CACNA1A: variants seen among roughly 807,000 people sequenced by gnomAD.
The protein encoded by CACNA1A is voltage-dependent P/Q-type calcium channel subunit alpha-1A.
Under a neutral mutation model 262.4 loss-of-function variants are expected in CACNA1A, and 57 were observed. The ratio of observed to expected loss-of-function variants is 0.22; its 90% CI spans 0.18 to 0.27. The LOEUF is 0.27. Ranked by LOEUF, CACNA1A falls within the 10% of genes least tolerant of loss-of-function variation. The pLI is 1.00. For synonymous variants in CACNA1A, 1,431 were observed against 1,419.3 expected (o/e 1.01, Z -0.18); for missense variants, 2,526 against 3,562.8 (o/e 0.71, Z 7.41).
At chr19:13,417,258 T>C (rs1003789594) in intron 3 of CACNA1A, among the ~76,000 whole-genome samples, 1 of 152,060 alleles carries the variant, frequency 6.6e-6, no homozygotes, top group Non-Finnish European at 1.5e-5. Context: ...CTGTGTTAAC[T>C]GTGCAACTCT....
At chr19:13,373,095 C>G (rs567740372) in intron 3 of CACNA1A, among the ~76,000 whole-genome samples, 1 of 152,318 alleles carries the variant, frequency 6.6e-6, no homozygotes, top group African/African-American at 2.4e-5. Flanking sequence ...ACAAGAAATG[C>G]TGAATACCAG....
intron 17 of CACNA1A, among the ~76,000 whole-genome samples, chr19:13,302,822 C>T (rs2057814230): frequency 6.6e-6 from 1 of 152,206 alleles, no homozygotes; most frequent in Non-Finnish European, 1.5e-5. Context: ...CCTGCCAGGG[C>T]CGGCAGATGG....
chr19:13,208,435 G>A (rs1037114379), intron 46 of CACNA1A, among the ~76,000 whole-genome samples: 2 of 151,510 alleles, frequency 1.3e-5, no homozygotes, highest in Non-Finnish European at 2.9e-5. Flanking sequence ...CAGAAGCCGG[G>A]TTAAAGGAAA....
At chr19:13,417,760 T>G (rs2060248252) in intron 3 of CACNA1A, among the ~76,000 whole-genome samples, 2 of 151,756 alleles carry the variant, frequency 1.3e-5, no homozygotes, top group African/African-American at 2.4e-5. Flanking sequence ...CGTGGTGGTG[T>G]GTGCCTATAA....
chr19:13,355,449 G>A (rs1051852338), intron 6 of CACNA1A, among the ~76,000 whole-genome samples: 2 of 152,142 alleles, frequency 1.3e-5, no homozygotes, highest in African/African-American at 4.8e-5. Context: ...AAATCTAAAA[G>A]TTCATCCCAG....
In CACNA1A at chr19:13,212,029, G is replaced by T; in HGVS notation, c.6303+74C>A. On this transcript the variant is annotated intron_variant, in intron 43 of 46. Transcript: ENST00000360228. The surrounding 1 kb of genome is among the most constrained non-coding windows in gnomAD (Gnocchi z 5.6). ...CGGCAGGGAGGGGATGCACTGGGCT[G>T]CTTGTGGGGGGGCCTGGCCCTACCC... 9.2e-7 allele frequency: 1 copy of T among 1,089,126 alleles called. No homozygotes were observed. Among genetic ancestry groups the T allele is most frequent in the Non-Finnish European group, 1.4e-6 (1 of 729,366 alleles). 67.5% of individuals were successfully genotyped at this position (1,089,126 alleles called of 1,614,324 possible). A position where few individuals can be genotyped will look rare whatever the true frequency, so the allele number is the denominator to read the frequency against.
chr19:13,261,823 C>T (rs1376843219), intron 25 of CACNA1A: 11 of 536,334 alleles, frequency 2.1e-5, no homozygotes, highest in Non-Finnish European at 2.7e-5. Context: ...TCTAAAACTC[C>T]CAGATGGGAT....
At chr19:13,234,881 C>G (rs2055821331) in intron 34 of CACNA1A, 40 bp downstream of exon 34, 1 of 1,398,400 alleles carries the variant, frequency 7.2e-7, no homozygotes, top group African/African-American at 1.4e-5. Flanking sequence ...GGCACCCCAC[C>G]CCACGGAAAC....
chr19:13,298,974 G>A lies in CACNA1A; in HGVS notation c.2659C>T (p.Gln887Ter). ...LDARRPWAGS[Q>*]EAELSREGPY... Reference sequence around the variant, plus strand: ...CCCTCCCGGCTCAGCTCGGCCTCCTGGCTTCCCGCCCAGGGCCTCCGTGCG... The same window carrying A: ...CCCTCCCGGCTCAGCTCGGCCTCCTAGCTTCCCGCCCAGGGCCTCCGTGCG... Residue 887 changes from glutamine to a stop codon, truncating the protein, a stop_gained, in exon 19 of 47, where the codon CAG becomes TAG. Coordinates refer to ENST00000360228, the MANE Select transcript of CACNA1A (RefSeq NM_001127222.2). LOFTEE classifies it high-confidence loss of function. 1 of 1,584,694 alleles carries A rather than the reference G, an allele frequency of 6.3e-7. No homozygotes were observed. The highest frequency in any genetic ancestry group is 8.5e-7 in the Non-Finnish European group (1 of 1,172,934).
intron 6 of CACNA1A, among the ~76,000 whole-genome samples, chr19:13,356,669 A>T (rs1187777051): frequency 6.6e-6 from 1 of 151,844 alleles, no homozygotes; most frequent in Non-Finnish European, 1.5e-5. Context: ...TATGCTCACA[A>T]TTTTTTTCAG....
chr19:13,436,987 G>C (rs543082648), intron 3 of CACNA1A, among the ~76,000 whole-genome samples: 1 of 152,308 alleles, frequency 6.6e-6, no homozygotes, highest in East Asian at 1.9e-4. Flanking sequence ...CAGGTTAGCT[G>C]GTGTCCCTGC....
chr19:13,405,159 G>A (rs573817491), intron 3 of CACNA1A, among the ~76,000 whole-genome samples: 1 of 151,852 alleles, frequency 6.6e-6, no homozygotes. Flanking sequence ...GCCTCCCAAA[G>A]TGCTGGGATT....
chr19:13,308,295 G>A lies in CACNA1A; in HGVS notation c.1782-44C>T. The A allele has an allele frequency of 6.3e-7, 1 of 1,591,034 alleles. No individual in the cohort carries two copies. ...CGAGGACTCAGGCCAGGCGGGGGAG[G>A]CAGGGCCCCGGAGTCAGCCCTCGAA... On this transcript the variant is annotated intron_variant, in intron 13 of 46. Transcript: ENST00000360228. This position sits in a 1 kb window ranked among gnomAD's most constrained non-coding sequence, Gnocchi z 4.2.
At chr19:13,288,787 AAATAAATAAGT>A (rs1193459872) in intron 19 of CACNA1A, among the ~76,000 whole-genome samples, 1 of 152,170 alleles carries the variant, frequency 6.6e-6, no homozygotes, top group Non-Finnish European at 1.5e-5. Flanking sequence ...AAGAATAAAT[AAATAAATAAGT>A]AATAAATAAA....
chr19:13,286,945 G>C lies in CACNA1A; in HGVS notation c.3111C>G (p.Val1037=), dbSNP rs763126204. The C allele has an allele frequency of 1.9e-6, 3 of 1,606,366 alleles. No individual in the cohort carries two copies. In the East Asian group the frequency reaches 6.7e-5, roughly 36 times the overall value. ...TTGACAGGTTGGGGCCCGACACAGG[G>C]ACCCCGGAGCCCTGGTTCTCTCTGA... is the stretch of plus-strand genomic sequence containing the variant. ...RRRKENQGSG[V]PVSGPNLSTT... Residue 1037 remains valine (V), a synonymous_variant, in exon 20 of 47, where the codon GTC becomes GTG. Coordinates refer to ENST00000360228, the MANE Select transcript of CACNA1A (RefSeq NM_001127222.2).
At chr19:13,224,808 G>A (rs2055374205) in intron 37 of CACNA1A, 36 bp from the exon 38 acceptor site, 2 of 1,514,778 alleles carry the variant, frequency 1.3e-6, no homozygotes, top group Non-Finnish European at 1.8e-6. Flanking sequence ...GTCATTCCCA[G>A]GCATCCCTCC....
intron 1 of CACNA1A, among the ~76,000 whole-genome samples, chr19:13,472,508 C>T (rs192306356): frequency 6.6e-6 from 1 of 152,156 alleles, no homozygotes; most frequent in Non-Finnish European, 1.5e-5. Flanking sequence ...TGTCTTCCCA[C>T]CTGTGAGTCC....
chr19:13,207,925 G>T lies in CACNA1A; in HGVS notation c.6909C>A (p.Ile2303=). The T allele has an allele frequency of 1.4e-6, 2 of 1,438,588 alleles. No individual in the cohort carries two copies. The highest frequency in any genetic ancestry group is 1.4e-5 in the South Asian group (1 of 70,592). The allele number at this position is 1,438,588 out of a possible 1,614,324, so 89.1% of individuals were successfully genotyped here. A position where few individuals can be genotyped will look rare whatever the true frequency, so the allele number is the denominator to read the frequency against. ...GGGGCCCCGAGCCGCCGGCCTTACG[G>T]ATCACAGGGGAATAGGACACGTGTG... ...PRPHVSYSPV[I]RKAGGSGPPQ... Residue 2303 remains isoleucine (I), a synonymous_variant, in exon 47 of 47, where the codon ATC becomes ATA. Coordinates refer to ENST00000360228, the MANE Select transcript of CACNA1A (RefSeq NM_001127222.2). This position sits in a 1 kb window ranked among gnomAD's most constrained non-coding sequence, Gnocchi z 5.7.
intron 11 of CACNA1A, 146 bp from the exon 12 acceptor site, chr19:13,312,927 C>A: frequency 1.9e-6 from 1 of 514,180 alleles, no homozygotes; most frequent in Non-Finnish European, 3.4e-6. Flanking sequence ...AGGCTGGTTT[C>A]AAACTCCTGG....
Sources: gnomAD v4.1 joint callset for allele counts (sites outside exome capture counted in the v4.1 genomes callset) on GRCh38, gnomAD v4.1.1 for gene constraint, Gnocchi (gnomAD v3.1) non-coding constraint, MANE v1.5 for transcripts, NCBI Gene and HGNC (gene_info 2026-07-23, HGNC 2026-07-21) for gene names.